Variants in NSUN6 observed in about 807,000 individuals in gnomAD.
NSUN6 encodes NOP2/Sun RNA methyltransferase 6.
Under a neutral mutation model 58.0 loss-of-function variants are expected in NSUN6, and 64 were observed. That is an observed-to-expected ratio of 1.10 (90% confidence interval 0.90 to 1.36). NSUN6 has a LOEUF of 1.36. Among genes scored for constraint, NSUN6 ranks in the 40% most tolerant of loss-of-function variants. NSUN6 has a pLI of 0.00. For synonymous variants in NSUN6, 231 were observed against 193.9 expected (o/e 1.19, Z -1.59); for missense variants, 701 against 550.1 (o/e 1.27, Z -2.74).
upstream of NSUN6, chr10:18,658,696 T>A: frequency 2.0e-6 from 2 of 978,454 alleles, no homozygotes; most frequent in Non-Finnish European, 2.4e-6. Context: ...CAATCAATTC[T>A]TTTCAGAACT....
intron 8 of NSUN6, among the ~76,000 whole-genome samples, chr10:18,582,878 A>C (rs1045362214): frequency 6.6e-6 from 1 of 152,212 alleles, no homozygotes; most frequent in South Asian, 2.1e-4. Context: ...CCATGACACT[A>C]AACAAATAAG....
chr10:18,545,874 A>AAAAAAAAC lies in NSUN6; in HGVS notation c.*51_*58dup, dbSNP rs1554845665. ...GGCCTGACAACACTTTGGTTAAAAA[A>AAAAAAAAC]AAAAAAACCACAGACAGCAAATGTT... On this transcript the variant is annotated 3_prime_UTR_variant, in exon 11 of 11. Coordinates refer to ENST00000377304, the MANE Select transcript of NSUN6 (RefSeq NM_182543.5). The AAAAAAAAC allele has an allele frequency of 2.1e-5, 22 of 1,054,642 alleles. No homozygotes were observed. Among genetic ancestry groups the AAAAAAAAC allele is most frequent in the African/African-American group, 3.2e-5 (2 of 62,002 alleles). 65.3% of individuals were successfully genotyped at this position (1,054,642 alleles called of 1,614,324 possible).
intron 8 of NSUN6, among the ~76,000 whole-genome samples, chr10:18,561,537 T>C (rs1360909851): frequency 8.5e-6 from 1 of 117,086 alleles, no homozygotes; most frequent in East Asian, 3.1e-4. Flanking sequence ...CAGTGATAAA[T>C]AGGCTAGAAG....
intron 8 of NSUN6, among the ~76,000 whole-genome samples, chr10:18,579,987 G>T (rs138881928): frequency 6.6e-6 from 1 of 152,198 alleles, no homozygotes; most frequent in East Asian, 1.9e-4. Flanking sequence ...GGGGTCCCAA[G>T]ATTTATTTTC....
At chr10:18,554,480 A>G (rs1432227723) in intron 8 of NSUN6, among the ~76,000 whole-genome samples, 1 of 151,534 alleles carries the variant, frequency 6.6e-6, no homozygotes, top group East Asian at 1.9e-4. Flanking sequence ...GGAGTGGAGA[A>G]TGGAATGAAA....
chr10:18,646,626 C>T (rs777848320), intron 2 of NSUN6, among the ~76,000 whole-genome samples: 9 of 152,094 alleles, frequency 5.9e-5, no homozygotes, highest in South Asian at 2.1e-4. Flanking sequence ...GGGCAGATCA[C>T]AGGGTCAGGA....
At chr10:18,562,204 G>T (rs775879357) in intron 8 of NSUN6, among the ~76,000 whole-genome samples, 4 of 149,242 alleles carry the variant, frequency 2.7e-5, no homozygotes, top group Non-Finnish European at 5.9e-5. Context: ...ATGGAATGGA[G>T]AATAGAATGC....
At position 18,648,395 on chromosome 10, in the gene NSUN6, TG is replaced by T. The variant is rs1447407498; in HGVS notation, c.231+94del. On this transcript the variant is annotated intron_variant, in intron 2 of 10. Transcript: ENST00000377304. The stretch of plus-strand genomic sequence containing the variant: ...TCCTCAATCTCCTTATCTGTAAAAC[TG>T]GAAGTGTATTATATCATTCATAGGA... 4 of 726,370 alleles carry T rather than the reference TG, an allele frequency of 5.5e-6. No individual in the cohort carries two copies. In the African/African-American group the frequency reaches 7.0e-5, roughly 13 times the overall value. 45.0% of individuals were successfully genotyped at this position (726,370 alleles called of 1,614,324 possible).
At chr10:18,583,116 T>TA (rs1471063858) in intron 8 of NSUN6, among the ~76,000 whole-genome samples, 2 of 152,192 alleles carry the variant, frequency 1.3e-5, no homozygotes, top group Non-Finnish European at 2.9e-5. Flanking sequence ...TATAATATTT[T>TA]ACTATTGTGA....
chr10:18,614,110 A>G (rs1018367087), intron 5 of NSUN6, among the ~76,000 whole-genome samples: 5 of 152,168 alleles, frequency 3.3e-5, no homozygotes, highest in Non-Finnish European at 7.4e-5. Flanking sequence ...TTTTTCTGAC[A>G]AATAAGAACG....
intron 8 of NSUN6, among the ~76,000 whole-genome samples, chr10:18,575,938 G>T (rs1378026077): frequency 2.0e-5 from 3 of 152,090 alleles, no homozygotes; most frequent in Non-Finnish European, 2.9e-5. Flanking sequence ...TCAGCCTGGG[G>T]ATCACATCCT....
chr10:18,598,189 T>C (rs1319764832), intron 6 of NSUN6, among the ~76,000 whole-genome samples: 1 of 152,220 alleles, frequency 6.6e-6, no homozygotes, highest in African/African-American at 2.4e-5. Context: ...CTTGAGAATG[T>C]ACTTTGTGAG....
chr10:18,633,445 T>A (rs1405089829), intron 3 of NSUN6, among the ~76,000 whole-genome samples: 1 of 151,672 alleles, frequency 6.6e-6, no homozygotes, highest in African/African-American at 2.4e-5. Flanking sequence ...AATAAATAAA[T>A]AAAATCTGAG....
intron 10 of NSUN6, among the ~76,000 whole-genome samples, chr10:18,547,005 C>T (rs1257532840): frequency 2.0e-5 from 3 of 152,106 alleles, no homozygotes; most frequent in Admixed American, 6.6e-5. Context: ...CTTTATTTAA[C>T]AGTTTCCAAA....
At chr10:18,568,867 T>A (rs1317670150) in intron 8 of NSUN6, among the ~76,000 whole-genome samples, 1 of 149,908 alleles carries the variant, frequency 6.7e-6, no homozygotes, top group African/African-American at 2.4e-5. Flanking sequence ...TCCTTTCTAT[T>A]CTCCACTCTC....
At chr10:18,598,055 AAAG>A (rs1464344825) in intron 6 of NSUN6, among the ~76,000 whole-genome samples, 2 of 152,210 alleles carry the variant, frequency 1.3e-5, no homozygotes, top group East Asian at 1.9e-4. Flanking sequence ...AAGATCCACA[AAAG>A]AAGTGAAATT....
intron 6 of NSUN6, 59 bp from the exon 7 acceptor site, chr10:18,596,386 A>G: frequency 8.3e-7 from 1 of 1,203,758 alleles, no homozygotes; most frequent in Non-Finnish European, 1.2e-6. Flanking sequence ...TAATTTGAGA[A>G]CCAGAGAATA....
Position 18,648,230 on chromosome 10 carries a change from A to G in NSUN6, c.231+260T>C, listed in dbSNP as rs530638661. ...CATGTATTTTAATGATGAAGCTACT[A>G]AGGCCCAGTTTAATGCGGCCCAGAG... On this transcript the variant is annotated intron_variant, in intron 2 of 10. Transcript: ENST00000377304. Among the ~76,000 whole-genome samples the G allele has an allele frequency of 3.7e-4, 57 of 152,296 alleles. 1 individual carries two copies. In the South Asian group the frequency reaches 0.011, roughly 28 times the overall value.
At chr10:18,591,609 T>C (rs1049845412) in intron 7 of NSUN6, among the ~76,000 whole-genome samples, 4 of 152,082 alleles carry the variant, frequency 2.6e-5, no homozygotes. Flanking sequence ...AAACAACCAA[T>C]GACAAAAACC....
Sources: allele counts gnomAD v4.1 joint callset (sites outside exome capture counted in the v4.1 genomes callset), GRCh38; gene constraint gnomAD v4.1.1; transcripts MANE v1.5; gene names NCBI Gene and HGNC (gene_info 2026-07-23, HGNC 2026-07-21).